Variants in IKBKE observed in about 807,000 individuals in gnomAD.
IKBKE encodes the protein inhibitor of nuclear factor kappa-B kinase subunit epsilon.
In IKBKE, 45 loss-of-function variants were observed where a neutral mutation model predicts 92.1. The ratio of observed to expected loss-of-function variants is 0.49; its 90% CI spans 0.38 to 0.63. IKBKE has a LOEUF of 0.63. IKBKE is among the 20% of genes least tolerant of loss of function. The pLI, the probability that IKBKE is intolerant of heterozygous loss-of-function variation, is 0.00. For synonymous variants in IKBKE, 374 were observed against 380.3 expected (o/e 0.98, Z 0.19); for missense variants, 700 against 932.8 (o/e 0.75, Z 3.25).
chr1:206,473,081 T>G, intron 2 of IKBKE, 115 bp from the exon 3 acceptor site: 2 of 677,254 alleles, frequency 3.0e-6, no homozygotes, highest in Admixed American at 5.5e-5. Context: ...GCTTGTGGAA[T>G]GGCCACATGG....
chr1:206,492,347 C>T (rs1553390614), intron 18 of IKBKE: 3 of 424,444 alleles, frequency 7.1e-6, no homozygotes, highest in African/African-American at 6.1e-5. Flanking sequence ...GAAGAGAGGA[C>T]AATTTCCCAC....
chr1:206,489,698 A>G (rs1022584568), intron 16 of IKBKE, among the ~76,000 whole-genome samples: 3 of 152,072 alleles, frequency 2.0e-5, no homozygotes, highest in African/African-American at 7.3e-5. Flanking sequence ...GGCAAGAGCG[A>G]GACCCTGTCT....
rs75478046 is a variant in IKBKE, at chr1:206,482,867, C to G, written c.1428-2130C>G. On this transcript the variant is annotated intron_variant, in intron 13 of 21. Transcript: ENST00000581977. ...ACACTAGCTCCACCCGCAGTGGAAC[C>G]AGGTATTTTCATGAGCTGAATGTCA... 1.5e-4 allele frequency among the ~76,000 whole-genome samples: 23 copies of G among 152,382 alleles called. 1 individual carries two copies. The East Asian group carries it at 4.4e-3, about 29-fold the overall frequency.
rs1664976087 is a variant in IKBKE, at chr1:206,474,887, T to A, written c.251T>A (p.Leu84Gln). 1 of 1,614,020 alleles carries A rather than the reference T, an allele frequency of 6.2e-7. No individual in the cohort carries two copies. The highest frequency in any genetic ancestry group is 1.7e-5 in the Admixed American group (1 of 60,014). The change falls in exon 5 of 22, where the codon CTG (leucine) becomes CAG (glutamine). Residue 84 changes from leucine (L) to glutamine (Q), a missense_variant. Coordinates refer to ENST00000581977, the MANE Select transcript of IKBKE (RefSeq NM_014002.4). ...TAGGGCGGAAGCCGGCAGAAGGTAC[T>A]GGTGATGGAGTACTGCTCCAGTGGG... ...EETGGSRQKVLVMEYCSSGSL... is the reference protein window; with the variant it reads ...EETGGSRQKVQVMEYCSSGSL...
At chr1:206,489,026 T>A (rs1004526217) in intron 16 of IKBKE, among the ~76,000 whole-genome samples, 2 of 151,676 alleles carry the variant, frequency 1.3e-5, no homozygotes, top group African/African-American at 4.8e-5. Context: ...CCTTAGCAAT[T>A]CTGTTTATAT....
chr1:206,480,419 A>C, intron 12 of IKBKE, 28 bp from the exon 13 acceptor site: 2 of 1,581,312 alleles, frequency 1.3e-6, no homozygotes, highest in Non-Finnish European at 1.7e-6. Context: ...CGATCAAGGC[A>C]GCTCTGACTC....
intron 21 of IKBKE, among the ~76,000 whole-genome samples, chr1:206,495,606 A>T (rs1420772141): frequency 1.3e-5 from 2 of 152,224 alleles, no homozygotes; most frequent in Admixed American, 6.5e-5. Context: ...CAAAGAGGAC[A>T]TTTGACAGCT....
intron 12 of IKBKE, 52 bp from the exon 13 acceptor site, chr1:206,480,395 G>T: frequency 1.4e-6 from 2 of 1,434,706 alleles, no homozygotes; most frequent in Non-Finnish European, 9.8e-7. Context: ...CTGCATGCAC[G>T]GTGCTGAGTC....
chr1:206,496,184 T>C lies in IKBKE; in HGVS notation c.*39T>C. On this transcript the variant is annotated 3_prime_UTR_variant, in exon 22 of 22. Transcript: ENST00000581977. ...CATGAGGCATCCTGAAGCATTAGAA[T>C]GATTCCAACACTGCTCTTCTGCACC... is the stretch of plus-strand genomic sequence containing the variant. 6.4e-7 allele frequency: 1 copy of C among 1,553,046 alleles called. No homozygotes were observed. The highest frequency in any genetic ancestry group is 8.9e-7 in the Non-Finnish European group (1 of 1,123,898).
At chr1:206,479,800 G>A (rs781942679) in intron 10 of IKBKE, 70 bp from the exon 11 acceptor site, 23 of 1,502,544 alleles carry the variant, frequency 1.5e-5, no homozygotes, top group Non-Finnish European at 2.0e-5. Flanking sequence ...AGTGTGAGCT[G>A]GAAATAATGA....
chr1:206,486,643 T>A (rs890951588), intron 15 of IKBKE, among the ~76,000 whole-genome samples: 1 of 151,316 alleles, frequency 6.6e-6, no homozygotes, highest in African/African-American at 2.4e-5. Flanking sequence ...TCCTTTTGGA[T>A]GAAGGCTGCA....
Position 206,487,989 on chromosome 1 carries a change from A to C in IKBKE, c.1692A>C (p.Pro564=). The C allele has an allele frequency of 1.2e-6, 2 of 1,612,130 alleles. No homozygotes were observed. The highest frequency in any genetic ancestry group is 1.7e-6 in the Non-Finnish European group (2 of 1,178,576). ...YKQFKKSRMR[P]GLGYNEEQIH... ...AGTTCAAGAAGTCTAGGATGAGGCC[A>C]GGTGAGCCCGGGGAGGGCAGATGCC... The change falls in exon 16 of 22, where the codon CCA becomes CCC. Residue 564 remains proline (P), a splice_region_variant and synonymous_variant. Coordinates refer to ENST00000581977, the MANE Select transcript of IKBKE (RefSeq NM_014002.4). The surrounding 1 kb of genome is among the most constrained non-coding windows in gnomAD (Gnocchi z 5.3).
rs1347714026 is a variant in IKBKE at position 206,476,013 on chromosome 1, C to T, written c.359-168C>T. On this transcript the variant is annotated intron_variant, in intron 5 of 21. Coordinates refer to ENST00000581977, the MANE Select transcript of IKBKE (RefSeq NM_014002.4). This position sits in a 1 kb window ranked among gnomAD's most constrained non-coding sequence, Gnocchi z 5.1. ...CATACCCTAGTGTCCTTGAGATGCCCCCTAAGCCCCATGCATGTCTCTGTC... is the reference window on the plus strand; with the variant it reads ...CATACCCTAGTGTCCTTGAGATGCCTCCTAAGCCCCATGCATGTCTCTGTC... Among the ~76,000 whole-genome samples the T allele has an allele frequency of 6.6e-6, 1 of 151,990 alleles. No homozygotes were observed. Among genetic ancestry groups the T allele is most frequent in the Non-Finnish European group, 1.5e-5 (1 of 68,012 alleles).
intron 16 of IKBKE, among the ~76,000 whole-genome samples, chr1:206,488,796 C>T (rs1314167616): frequency 6.6e-6 from 1 of 152,110 alleles, no homozygotes; most frequent in South Asian, 2.1e-4. Flanking sequence ...AAATATAATG[C>T]CAGACACGTA....
At chr1:206,472,912 G>A in intron 2 of IKBKE, 1 of 396,500 alleles carries the variant, frequency 2.5e-6, no homozygotes. Flanking sequence ...ACCTGCCTCA[G>A]GAGGGGCTTC....
At chr1:206,493,430 G>A (rs1205035613) in intron 20 of IKBKE, 52 bp downstream of exon 20, 4 of 1,364,210 alleles carry the variant, frequency 2.9e-6, no homozygotes, top group Non-Finnish European at 4.2e-6. Context: ...GGGGTTGCAG[G>A]GAGCAGAGTA....
chr1:206,494,343 T>C (rs1300789085), intron 21 of IKBKE, among the ~76,000 whole-genome samples: 2 of 152,092 alleles, frequency 1.3e-5, no homozygotes, highest in Non-Finnish European at 2.9e-5. Flanking sequence ...GCTGTTTTCA[T>C]CCCCATGTGC....
In IKBKE at chr1:206,474,589, A is replaced by C; in HGVS notation, c.228+118A>C. ...TGCTCATCAGCAGGTCAGAGACAGC[A>C]GGCAAATTGCAGAAGGGAGCAAAGG... On this transcript the variant is annotated intron_variant, in intron 4 of 21. Coordinates refer to ENST00000581977, the MANE Select transcript of IKBKE (RefSeq NM_014002.4). The C allele has an allele frequency of 5.6e-6, 6 of 1,080,548 alleles. No homozygotes were observed. The South Asian group carries it at 9.7e-5, about 17-fold the overall frequency. 66.9% of individuals were successfully genotyped at this position (1,080,548 alleles called of 1,614,324 possible).
chr1:206,481,766 C>CT (rs71152472), intron 13 of IKBKE, among the ~76,000 whole-genome samples: 741 of 46,554 alleles, frequency 0.016, 136 homozygotes, highest in South Asian at 0.029. Flanking sequence ...AAGGATGAGG[C>CT]TTTTTTTTTT....
Sources: gnomAD v4.1 joint callset for allele counts (sites outside exome capture counted in the v4.1 genomes callset) on GRCh38, gnomAD v4.1.1 for gene constraint, Gnocchi (gnomAD v3.1) non-coding constraint, MANE v1.5 for transcripts, NCBI Gene and HGNC (gene_info 2026-07-23, HGNC 2026-07-21) for gene names.